The following MATN2 variants were observed in gnomAD, a reference collection of about 807,000 sequenced individuals.
MATN2 encodes matrilin 2.
A neutral mutation model predicts 103.2 loss-of-function variants in MATN2; 69 were observed. That is an observed-to-expected ratio of 0.67 (90% CI 0.55 to 0.82). MATN2 has a LOEUF of 0.82. Among genes scored for constraint, MATN2 ranks in the 40% least tolerant of loss-of-function variants. The probability of loss-of-function intolerance (pLI) is 0.00; values close to 1 mark genes in which losing one functional copy is unlikely to be tolerated. For missense variants in MATN2, 1,023 were observed against 1,211.5 expected, an observed-to-expected ratio of 0.84 and a Z score of 2.31; for synonymous variants, 429 against 450.2, an observed-to-expected ratio of 0.95 and a Z score of 0.60.
chr8:97,980,374 T>C (rs966717876), intron 6 of MATN2, among the ~76,000 whole-genome samples: 1 of 152,160 alleles, frequency 6.6e-6, no homozygotes, highest in African/African-American at 2.4e-5. Flanking sequence ...GTTGTGGTTG[T>C]TGGGCTGATG....
intron 2 of MATN2, among the ~76,000 whole-genome samples, chr8:97,892,095 G>A (rs948087693): frequency 1.3e-5 from 2 of 152,010 alleles, no homozygotes; most frequent in Admixed American, 1.3e-4. Flanking sequence ...AAATTAGCCT[G>A]GTTTGGTGGT....
At chr8:98,017,629 A>G (rs746086453) in intron 11 of MATN2, among the ~76,000 whole-genome samples, 11 of 152,256 alleles carry the variant, frequency 7.2e-5, no homozygotes, top group Non-Finnish European at 1.6e-4. Context: ...TGTTAGGCAC[A>G]AAGCCAAAGT....
chr8:97,913,059 C>G (rs764207191), intron 2 of MATN2, among the ~76,000 whole-genome samples: 3 of 152,122 alleles, frequency 2.0e-5, no homozygotes, highest in Non-Finnish European at 4.4e-5. Flanking sequence ...TGAGCAGACA[C>G]CAGAACACGA....
At chr8:97,929,234 C>A (rs374910589) in intron 2 of MATN2, among the ~76,000 whole-genome samples, 1 of 152,192 alleles carries the variant, frequency 6.6e-6, no homozygotes, top group Non-Finnish European at 1.5e-5. Flanking sequence ...GGCAAGCTGG[C>A]CTGGACAGGA....
At chr8:98,023,138 G>C (rs1813663525) in intron 13 of MATN2, among the ~76,000 whole-genome samples, 1 of 151,854 alleles carries the variant, frequency 6.6e-6, no homozygotes, top group Non-Finnish European at 1.5e-5. Context: ...AGCCGGGTGT[G>C]GTGGCATGCA....
chr8:97,937,005 A>C (rs1024340392), intron 3 of MATN2, among the ~76,000 whole-genome samples: 3 of 152,148 alleles, frequency 2.0e-5, no homozygotes, highest in Admixed American at 6.5e-5. Flanking sequence ...CAGTTGTGAG[A>C]GTCCTGCTTT....
chr8:97,903,537 A>C (rs1819061490), intron 2 of MATN2, among the ~76,000 whole-genome samples: 1 of 152,168 alleles, frequency 6.6e-6, no homozygotes. Flanking sequence ...AACTGGAATG[A>C]AATGGAGATG....
At chr8:97,946,265 A>G (rs943728777) in intron 4 of MATN2, among the ~76,000 whole-genome samples, 1 of 152,210 alleles carries the variant, frequency 6.6e-6, no homozygotes, top group African/African-American at 2.4e-5. Context: ...AATGCATTAA[A>G]GAATTTTAGC....
At chr8:97,979,075 G>A in intron 6 of MATN2, 67 bp downstream of exon 6, 2 of 1,509,880 alleles carry the variant, frequency 1.3e-6, no homozygotes. Context: ...CTGTGACCAT[G>A]GAACTCTCTC....
At chr8:97,940,656 A>C (rs963969007) in intron 3 of MATN2, among the ~76,000 whole-genome samples, 1 of 152,222 alleles carries the variant, frequency 6.6e-6, no homozygotes. Context: ...TAGCTTCATA[A>C]AAATATATTT....
intron 5 of MATN2, among the ~76,000 whole-genome samples, chr8:97,969,426 G>A (rs533107461): frequency 1.3e-5 from 2 of 152,316 alleles, no homozygotes; most frequent in East Asian, 3.9e-4. Context: ...AAGATAGTGA[G>A]TGACATTCCC....
At chr8:98,029,176 G>GT (rs1196321295) in intron 14 of MATN2, among the ~76,000 whole-genome samples, 3 of 152,132 alleles carry the variant, frequency 2.0e-5, no homozygotes, top group Non-Finnish European at 4.4e-5. Context: ...TTGATACTGC[G>GT]TACCTTCCTC....
intron 13 of MATN2, among the ~76,000 whole-genome samples, chr8:98,023,698 A>C (rs200160671): frequency 5.3e-5 from 8 of 152,176 alleles, no homozygotes; most frequent in Non-Finnish European, 1.2e-4. Flanking sequence ...TAAAAAATAA[A>C]TAAAGGTGTT....
chr8:97,939,965 G>A (rs965158374), intron 3 of MATN2, among the ~76,000 whole-genome samples: 20 of 152,154 alleles, frequency 1.3e-4, no homozygotes, highest in African/African-American at 4.6e-4. Flanking sequence ...TGAACCTACA[G>A]ATGTAAAATA....
intron 3 of MATN2, among the ~76,000 whole-genome samples, chr8:97,933,433 G>C (rs984005741): frequency 1.1e-4 from 16 of 152,104 alleles, no homozygotes; most frequent in African/African-American, 3.6e-4. Flanking sequence ...TTAATGGAGG[G>C]GTTCTTTTTA....
chr8:97,945,717 A>AAAATATATATATAT (rs59472539), intron 4 of MATN2, among the ~76,000 whole-genome samples: 28 of 121,802 alleles, frequency 2.3e-4, no homozygotes, highest in African/African-American at 6.2e-4. Context: ...AAAAAAAAAA[A>AAAATATATATATAT]ATATATATAT....
chr8:98,009,146 A>G (rs1184368067), intron 10 of MATN2, among the ~76,000 whole-genome samples: 8 of 152,240 alleles, frequency 5.3e-5, no homozygotes, highest in Non-Finnish European at 1.2e-4. Flanking sequence ...AGATAGTCAG[A>G]TAAGTGAGAA....
At position 97,961,420 on chromosome 8, in the gene MATN2, G is replaced by A. The variant is rs370199325; in HGVS notation, c.848G>A (p.Cys283Tyr). ...GACTTTGCCTCAGTCCAGGATCTGT[G>A]TGCCATGGAGGACCACAACTGTGAG... Reference protein sequence around the residue: ...DQTTCRIQDLCAMEDHNCEQL... With the variant: ...DQTTCRIQDLYAMEDHNCEQL... The change falls in exon 5 of 19, where the codon TGT becomes TAT. Residue 283 changes from cysteine (C) to tyrosine (Y), a missense_variant. Transcript: ENST00000254898. The A allele has an allele frequency of 6.2e-7, 1 of 1,612,932 alleles. No individual in the cohort carries two copies. Among genetic ancestry groups the A allele is most frequent in the African/African-American group, 1.3e-5 (1 of 74,888 alleles).
rs139962255 is a variant in MATN2, at chr8:97,895,746, G to C, written c.142+7504G>C. On this transcript the variant is annotated intron_variant, in intron 2 of 18. Coordinates refer to ENST00000254898, the MANE Select transcript of MATN2 (RefSeq NM_002380.5). ...CTGAGCCCCTGCTGTGGGTTGGGAC[G>C]TGTTATCTCACCTAATCCATAGCAG... 3.8e-3 allele frequency among the ~76,000 whole-genome samples: 580 copies of C among 152,332 alleles called. 3 individuals are homozygous for C. The highest frequency in any genetic ancestry group is 5.3e-3 in the Non-Finnish European group (362 of 68,030).
Sources: gnomAD v4.1 joint callset for allele counts (sites outside exome capture counted in the v4.1 genomes callset) on GRCh38, gnomAD v4.1.1 for gene constraint, MANE v1.5 for transcripts, NCBI Gene and HGNC (gene_info 2026-07-23, HGNC 2026-07-21) for gene names.